Variants in PTPRD observed in about 807,000 individuals in gnomAD.
The protein encoded by PTPRD is receptor-type tyrosine-protein phosphatase delta.
A neutral mutation model predicts 214.5 loss-of-function variants in PTPRD; 34 were observed. The observed-to-expected ratio is 0.16, with a 90% CI of 0.12 to 0.21. The LOEUF (loss-of-function observed/expected upper bound fraction) is 0.21, where lower values mean the gene tolerates loss of function less well. Among genes scored for constraint, PTPRD ranks in the 10% least tolerant of loss-of-function variants. The probability of loss-of-function intolerance (pLI) is 1.00; values close to 1 mark genes in which losing one functional copy is unlikely to be tolerated. For synonymous variants in PTPRD, 1,128 were observed against 845.7 expected (o/e 1.33, Z -5.79); for missense variants, 2,545 against 2,398.7 (o/e 1.06, Z -1.27).
At chr9:10,386,505 G>C (rs558592170) in intron 2 of PTPRD, among the ~76,000 whole-genome samples, 1 of 151,954 alleles carries the variant, frequency 6.6e-6, no homozygotes, top group East Asian at 2.0e-4. Context: ...AAACAAACCA[G>C]AAAATGACAG....
At chr9:10,017,502 C>T (rs1406311176) in intron 4 of PTPRD, among the ~76,000 whole-genome samples, 5 of 152,014 alleles carry the variant, frequency 3.3e-5, no homozygotes, top group Admixed American at 3.3e-4. Flanking sequence ...GTCTTAGAAT[C>T]CTCCACATCT....
intron 5 of PTPRD, among the ~76,000 whole-genome samples, chr9:9,928,357 G>C (rs1211070847): frequency 6.6e-6 from 1 of 152,106 alleles, no homozygotes; most frequent in Non-Finnish European, 1.5e-5. Flanking sequence ...ATGTTGCCAA[G>C]CTCATTATCT....
At chr9:9,369,522 A>G (rs2058850837) in intron 9 of PTPRD, among the ~76,000 whole-genome samples, 1 of 152,066 alleles carries the variant, frequency 6.6e-6, no homozygotes, top group South Asian at 2.1e-4. Context: ...CTTTTGTCAG[A>G]TGGGTAGATT....
intron 5 of PTPRD, among the ~76,000 whole-genome samples, chr9:9,849,366 G>GT (rs2060124615): frequency 6.6e-6 from 1 of 152,030 alleles, no homozygotes; most frequent in South Asian, 2.1e-4. Flanking sequence ...AAAAAATTGA[G>GT]AAGATTCTGA....
chr9:9,958,466 G>A (rs10978136), intron 4 of PTPRD, among the ~76,000 whole-genome samples: 6,066 of 152,248 alleles, frequency 0.04, 147 homozygotes, highest in Non-Finnish European at 0.059. Context: ...AGGAGGCAGA[G>A]GTTGCAGTGA....
chr9:8,489,811 C>A (rs1268755905), intron 27 of PTPRD, among the ~76,000 whole-genome samples: 2 of 152,176 alleles, frequency 1.3e-5, no homozygotes, highest in Non-Finnish European at 2.9e-5. Flanking sequence ...CAATGGAACT[C>A]ACTGCATTCC....
At chr9:9,833,959 A>G (rs2055897591) in intron 5 of PTPRD, among the ~76,000 whole-genome samples, 1 of 152,042 alleles carries the variant, frequency 6.6e-6, no homozygotes. Context: ...CAATTATTAC[A>G]GGGTCCTGGA....
intron 8 of PTPRD, among the ~76,000 whole-genome samples, chr9:9,429,686 C>G (rs1291129810): frequency 6.6e-6 from 1 of 152,162 alleles, no homozygotes; most frequent in Non-Finnish European, 1.5e-5. Context: ...AGCAGCACAT[C>G]AAAAAGCTTA....
At chr9:8,830,497 C>T (rs1411831363) in intron 11 of PTPRD, among the ~76,000 whole-genome samples, 1 of 152,112 alleles carries the variant, frequency 6.6e-6, no homozygotes, top group East Asian at 1.9e-4. Context: ...GGGCTTCAGT[C>T]ATCGAATCAT....
chr9:8,731,111 C>T (rs1392364440), intron 12 of PTPRD, among the ~76,000 whole-genome samples: 1 of 152,208 alleles, frequency 6.6e-6, no homozygotes, highest in East Asian at 1.9e-4. Context: ...GAGCCCTCCT[C>T]CTTAATGCAA....
At chr9:9,517,031 G>A (rs78343408) in intron 8 of PTPRD, among the ~76,000 whole-genome samples, 4,324 of 151,540 alleles carry the variant, frequency 0.029, 191 homozygotes, top group African/African-American at 0.096. Flanking sequence ...TAGTTGCAGT[G>A]AAATGAAACC....
At chr9:8,789,220 T>C (rs1024492866) in intron 11 of PTPRD, among the ~76,000 whole-genome samples, 27 of 152,116 alleles carry the variant, frequency 1.8e-4, no homozygotes, top group African/African-American at 6.0e-4. Flanking sequence ...GAATTGTTTT[T>C]TCAGCATTTG....
chr9:9,319,793 A>G (rs183514299), intron 9 of PTPRD, among the ~76,000 whole-genome samples: 2 of 152,214 alleles, frequency 1.3e-5, no homozygotes, highest in African/African-American at 4.8e-5. Flanking sequence ...AAACCAAGGA[A>G]CCTCATAACA....
At chr9:8,574,693 T>C (rs1160928535) in intron 14 of PTPRD, among the ~76,000 whole-genome samples, 1 of 152,116 alleles carries the variant, frequency 6.6e-6, no homozygotes, top group African/African-American at 2.4e-5. Flanking sequence ...TCTTTTCATT[T>C]TTCTTCATTC....
chr9:10,156,040 C>CA, intron 3 of PTPRD, among the ~76,000 whole-genome samples: 1 of 146,812 alleles, frequency 6.8e-6, no homozygotes, highest in East Asian at 2.0e-4. Context: ...TATGTTTTTC[C>CA]AAAAAACAAC....
intron 8 of PTPRD, among the ~76,000 whole-genome samples, chr9:9,563,002 T>C (rs1048639420): frequency 1.3e-5 from 2 of 152,192 alleles, no homozygotes; most frequent in African/African-American, 4.8e-5. Context: ...TATTTATTGC[T>C]AGATGAATGA....
intron 5 of PTPRD, among the ~76,000 whole-genome samples, chr9:9,861,367 TGCAACCTCC>T (rs370329460): frequency 2.5e-4 from 38 of 152,306 alleles, no homozygotes; most frequent in African/African-American, 8.9e-4. Context: ...CTCGGCTCAC[TGCAACCTCC>T]GCCTCCCAGG....
At chr9:9,847,895 T>A (rs1182573658) in intron 5 of PTPRD, among the ~76,000 whole-genome samples, 1 of 152,078 alleles carries the variant, frequency 6.6e-6, no homozygotes, top group Non-Finnish European at 1.5e-5. Context: ...ACATCACACT[T>A]TTTAAAAAAG....
At chr9:9,702,252 T>A (rs2097521675) in intron 7 of PTPRD, among the ~76,000 whole-genome samples, 1 of 152,106 alleles carries the variant, frequency 6.6e-6, no homozygotes, top group Non-Finnish European at 1.5e-5. Context: ...AGGGAGAGGG[T>A]GCATAAAACA....
Sources: allele counts gnomAD v4.1 joint callset (sites outside exome capture counted in the v4.1 genomes callset), GRCh38; gene constraint gnomAD v4.1.1; transcripts MANE v1.5; gene names NCBI Gene and HGNC (gene_info 2026-07-23, HGNC 2026-07-21).